PACRG: variants seen among roughly 807,000 people sequenced by gnomAD.
The protein encoded by PACRG is parkin coregulated gene protein.
In PACRG, 29 loss-of-function variants were observed where a neutral mutation model predicts 29.7. The ratio of observed to expected loss-of-function variants is 0.98; its 90% CI spans 0.73 to 1.33. The LOEUF (loss-of-function observed/expected upper bound fraction) is 1.33, where lower values mean the gene tolerates loss of function less well. Among genes scored for constraint, PACRG ranks in the 40% most tolerant of loss-of-function variants. The pLI is 0.00. For missense variants in PACRG, 279 were observed against 316.2 expected, an observed-to-expected ratio of 0.88 and a Z score of 0.89; for synonymous variants, 116 against 118.7, an observed-to-expected ratio of 0.98 and a Z score of 0.15.
chr6:163,291,522 C>T (rs1162615022), intron 4 of PACRG, among the ~76,000 whole-genome samples: 11 of 152,286 alleles, frequency 7.2e-5, no homozygotes, highest in Admixed American at 7.2e-4. Context: ...ACTATGGGCC[C>T]GCCCCGTTTC....
chr6:163,285,025 A>G (rs1276559011), intron 4 of PACRG, among the ~76,000 whole-genome samples: 2 of 152,180 alleles, frequency 1.3e-5, no homozygotes, highest in Non-Finnish European at 2.9e-5. Flanking sequence ...TTGTCCAAAC[A>G]GCAGCCTCGA....
At chr6:163,137,134 G>A (rs974306082) in intron 4 of PACRG, among the ~76,000 whole-genome samples, 1 of 152,170 alleles carries the variant, frequency 6.6e-6, no homozygotes, top group African/African-American at 2.4e-5. Flanking sequence ...GTTTTGTCTG[G>A]AGAAGCCTTA....
intron 2 of PACRG, among the ~76,000 whole-genome samples, chr6:162,919,329 T>A (rs566432880): frequency 6.6e-6 from 1 of 152,284 alleles, no homozygotes; most frequent in African/African-American, 2.4e-5. Flanking sequence ...GGATTCCCAA[T>A]GTCCAGGGTC....
At chr6:163,108,392 C>CTTTTTTTTTTTTTTT (rs528887997) in intron 4 of PACRG, among the ~76,000 whole-genome samples, 4 of 90,510 alleles carry the variant, frequency 4.4e-5, no homozygotes, top group Admixed American at 3.3e-4. Context: ...TTCTCTTTCC[C>CTTTTTTTTTTTTTTT]TTTTTTTTTT....
At chr6:162,751,575 A>T (rs4481408) in intron 1 of PACRG, among the ~76,000 whole-genome samples, 141,065 of 152,202 alleles carry the variant, frequency 0.93, 65,538 homozygotes, top group South Asian at 0.97. Flanking sequence ...TTATTCTCAA[A>T]CTTAATTGTC....
At position 162,968,774 on chromosome 6, in the gene PACRG, C is replaced by T. The variant is rs549926261; in HGVS notation, c.292-93376C>T. Among the ~76,000 whole-genome samples, 588 of 152,070 alleles carry T rather than the reference C, an allele frequency of 3.9e-3. 5 individuals carry two copies. Among genetic ancestry groups the T allele is most frequent in the African/African-American group, 0.013 (536 of 41,510 alleles). ...CTTCACAGTAAATTGATAGGCTGGG[C>T]GCGGTGGGTCACGCCTGTAATCCCA... On this transcript the variant is annotated intron_variant, in intron 2 of 4. Coordinates refer to ENST00000366888, the MANE Select transcript of PACRG (RefSeq NM_001080379.2).
chr6:162,918,783 G>A (rs1332012429), intron 2 of PACRG, among the ~76,000 whole-genome samples: 4 of 152,188 alleles, frequency 2.6e-5, no homozygotes, highest in Admixed American at 2.0e-4. Context: ...GACTTAGGAA[G>A]TAAAGTCTTC....
intron 1 of PACRG, among the ~76,000 whole-genome samples, chr6:162,781,439 A>G (rs545107528): frequency 8.5e-5 from 13 of 152,118 alleles, no homozygotes; most frequent in Admixed American, 8.5e-4. Flanking sequence ...CACAGAGGAA[A>G]GAAGGGACCA....
At chr6:163,155,674 C>T (rs567775014) in intron 4 of PACRG, among the ~76,000 whole-genome samples, 1 of 152,290 alleles carries the variant, frequency 6.6e-6, no homozygotes, top group Non-Finnish European at 1.5e-5. Flanking sequence ...CTGATCTGTA[C>T]CTTTAAAAAT....
At chr6:162,962,877 C>T (rs1000508869) in intron 2 of PACRG, among the ~76,000 whole-genome samples, 11 of 152,100 alleles carry the variant, frequency 7.2e-5, no homozygotes, top group Non-Finnish European at 1.3e-4. Context: ...GTATTCCTGA[C>T]GATGAACGTG....
At chr6:162,775,156 A>C (rs1362125972) in intron 1 of PACRG, among the ~76,000 whole-genome samples, 1 of 152,216 alleles carries the variant, frequency 6.6e-6, no homozygotes, top group African/African-American at 2.4e-5. Flanking sequence ...GTGGGGACCC[A>C]GTGAGAAGGT....
rs1167434790 is a variant in PACRG at position 163,269,894 on chromosome 6, CAAAGAAAG to C, written c.614-44905_614-44898del. Among the ~76,000 whole-genome samples the C allele has an allele frequency of 2.2e-3, 42 of 18,718 alleles. 7 individuals are homozygous for C. The highest frequency in any genetic ancestry group is 0.014 in the East Asian group (9 of 624). The allele number at this position is 18,718 out of a possible 152,430, so 12.3% of individuals were successfully genotyped here. ...GAAAGAAAGAAAGAAAGAAAGAAAACAAAGAAAGAAAGAAAGAAAGAAAGAAAGAAAGA... is the reference window on the plus strand; with the variant it reads ...GAAAGAAAGAAAGAAAGAAAGAAAACAAAGAAAGAAAGAAAGAAAGAAAGA... On this transcript the variant is annotated intron_variant, in intron 4 of 4. Transcript: ENST00000366888.
intron 4 of PACRG, among the ~76,000 whole-genome samples, chr6:163,110,088 C>T (rs1303036547): frequency 2.0e-5 from 3 of 152,020 alleles, no homozygotes. Flanking sequence ...GATAGAAATC[C>T]AGGGGAAAGA....
chr6:162,887,803 G>A (rs545620869), intron 2 of PACRG, among the ~76,000 whole-genome samples: 28 of 147,866 alleles, frequency 1.9e-4, no homozygotes, highest in African/African-American at 6.8e-4. Flanking sequence ...GGCTGGGCAA[G>A]AGACCGGTCT....
chr6:162,778,101 A>G (rs1261140023), intron 1 of PACRG, among the ~76,000 whole-genome samples: 2 of 152,136 alleles, frequency 1.3e-5, no homozygotes, highest in African/African-American at 2.4e-5. Context: ...TTGCCATATG[A>G]ATGAAGGTTT....
intron 3 of PACRG, among the ~76,000 whole-genome samples, chr6:163,075,744 G>A (rs962456922): frequency 1.3e-5 from 2 of 152,168 alleles, no homozygotes; most frequent in African/African-American, 4.8e-5. Context: ...CCCTTAATCT[G>A]ATACAGGGAA....
At chr6:163,151,949 TA>T (rs1466290702) in intron 4 of PACRG, among the ~76,000 whole-genome samples, 2 of 152,212 alleles carry the variant, frequency 1.3e-5, no homozygotes, top group Non-Finnish European at 2.9e-5. Context: ...TATGTCTTCT[TA>T]AATCCACTGT....
intron 2 of PACRG, among the ~76,000 whole-genome samples, chr6:162,820,021 C>T (rs7758664): frequency 0.068 from 10,305 of 152,172 alleles, 464 homozygotes; most frequent in East Asian, 0.28. Context: ...GGGGGTTGAA[C>T]TTTTACCAGG....
intron 4 of PACRG, among the ~76,000 whole-genome samples, chr6:163,192,347 T>G (rs1187067706): frequency 6.6e-6 from 1 of 152,268 alleles, no homozygotes; most frequent in Non-Finnish European, 1.5e-5. Flanking sequence ...AAAGATCTAT[T>G]GTTTGTTTTT....
Sources: allele counts gnomAD v4.1 joint callset (sites outside exome capture counted in the v4.1 genomes callset), GRCh38; gene constraint gnomAD v4.1.1; transcripts MANE v1.5; gene names NCBI Gene and HGNC (gene_info 2026-07-23, HGNC 2026-07-21).